The following IPO8 variants were observed in gnomAD, a reference collection of about 807,000 sequenced individuals.
IPO8 encodes the protein importin 8.
In IPO8, 65 loss-of-function variants were observed where a neutral mutation model predicts 141.2. The observed-to-expected ratio is 0.46, with a 90% CI of 0.38 to 0.57. The LOEUF (loss-of-function observed/expected upper bound fraction) is 0.57. IPO8 is among the 20% of genes least tolerant of loss of function. IPO8 has a pLI of 0.00. For missense variants in IPO8, 980 were observed against 1,246.8 expected (o/e 0.79, Z 3.22); for synonymous variants, 411 against 420.3 (o/e 0.98, Z 0.27).
In IPO8 at chr12:30,637,041, C is replaced by T. The variant is rs61751231; in HGVS notation, c.2636G>A (p.Arg879Lys). The stretch of plus-strand genomic sequence containing the variant: ...ACGATCTTCCCGGTTTACCAGTTGT[C>T]TAGTAGCACAGACCTGCTTTAGGCC... ...FLGLKQVCAT[R>K]QLVNREDRSK... Residue 879 changes from arginine to lysine, a missense_variant, in exon 22 of 25, where the codon AGA becomes AAA. Arg to Lys is a conservative substitution (Grantham distance 26). Transcript: ENST00000256079. 0.011 allele frequency: 18,388 copies of T among 1,613,952 alleles called. 129 individuals are homozygous for T. The highest frequency in any genetic ancestry group is 0.014 in the Non-Finnish European group (16,373 of 1,179,898).
At chr12:30,654,003 A>G (rs2052762279) in intron 17 of IPO8, among the ~76,000 whole-genome samples, 3 of 152,082 alleles carry the variant, frequency 2.0e-5, no homozygotes, top group Non-Finnish European at 4.4e-5. Context: ...ATAAAAACAG[A>G]CACACAGACC....
chr12:30,652,737 T>C (rs1006399766), intron 18 of IPO8, among the ~76,000 whole-genome samples: 1 of 152,104 alleles, frequency 6.6e-6, no homozygotes, highest in Non-Finnish European at 1.5e-5. Flanking sequence ...TATGGATATA[T>C]GCTCTGGTCA....
chr12:30,645,883 A>C (rs1034883561), intron 20 of IPO8, among the ~76,000 whole-genome samples: 1 of 152,210 alleles, frequency 6.6e-6, no homozygotes, highest in Non-Finnish European at 1.5e-5. Flanking sequence ...AAAACAAAAC[A>C]AAACACAGAC....
chr12:30,653,096 GAAGA>G lies in IPO8; in HGVS notation c.1949-8_1949-5del. The G allele has an allele frequency of 6.2e-7, 1 of 1,605,158 alleles. No homozygotes were observed. Among genetic ancestry groups the G allele is most frequent in the Non-Finnish European group, 8.5e-7 (1 of 1,177,068 alleles). On this transcript the variant is annotated splice_region_variant and splice_polypyrimidine_tract_variant and intron_variant, in intron 17 of 24. Coordinates refer to ENST00000256079, the MANE Select transcript of IPO8 (RefSeq NM_006390.4). ...GAAAGAATTTCTTCATAGAATTCTA[GAAGA>G]AAGAAAATCTCTAGTTAGAATGCTA...
chr12:30,652,058 C>A, intron 19 of IPO8, 134 bp downstream of exon 19: 1 of 521,228 alleles, frequency 1.9e-6, no homozygotes, highest in Non-Finnish European at 3.3e-6. Context: ...TTTGAAAATA[C>A]AAATGAAAAA....
chr12:30,642,180 G>A (rs1481582682), intron 20 of IPO8, among the ~76,000 whole-genome samples: 1 of 151,940 alleles, frequency 6.6e-6, no homozygotes, highest in African/African-American at 2.4e-5. Context: ...CCAGCCTGGG[G>A]TACAAGAGCG....
intron 5 of IPO8, 125 bp from the exon 6 acceptor site, chr12:30,676,712 G>T: frequency 1.2e-6 from 1 of 802,332 alleles, no homozygotes; most frequent in Non-Finnish European, 2.1e-6. Flanking sequence ...TAGCAATCTT[G>T]TATGGTTCAA....
chr12:30,643,671 T>C (rs79303643), intron 20 of IPO8, among the ~76,000 whole-genome samples: 1 of 152,340 alleles, frequency 6.6e-6, no homozygotes, highest in African/African-American at 2.4e-5. Context: ...TGAATTACTT[T>C]TTGTGGGAAT....
chr12:30,676,118 G>T (rs758497543), intron 6 of IPO8, among the ~76,000 whole-genome samples: 5 of 151,710 alleles, frequency 3.3e-5, no homozygotes, highest in Non-Finnish European at 4.4e-5. Flanking sequence ...TAGAGTCAAG[G>T]TCCCACTATG....
At chr12:30,669,128 G>T in intron 10 of IPO8, 55 bp downstream of exon 10, 1 of 722,924 alleles carries the variant, frequency 1.4e-6, no homozygotes, top group South Asian at 2.0e-5. Context: ...TATAAATTTA[G>T]TTATATTACT....
chr12:30,693,216 A>G (rs190122888), intron 1 of IPO8, among the ~76,000 whole-genome samples: 2 of 152,312 alleles, frequency 1.3e-5, no homozygotes, highest in Admixed American at 6.5e-5. Context: ...TGCTGCCTCT[A>G]ATGGGACTTC....
At chr12:30,651,337 C>A (rs2052723899) in intron 19 of IPO8, among the ~76,000 whole-genome samples, 1 of 152,102 alleles carries the variant, frequency 6.6e-6, no homozygotes, top group Non-Finnish European at 1.5e-5. Flanking sequence ...CTCTTTAGAA[C>A]TGAACTGAGA....
rs764254584 is a variant in IPO8, at chr12:30,665,721, A to T, written c.1338+8T>A. On this transcript the variant is annotated splice_region_variant and intron_variant, in intron 12 of 24. Transcript: ENST00000256079. ...TTATTAAGTAAATTAAATTTTGATT[A>T]TCTTAACCTTCAGTAAAATCTCAGC... 1 of 1,519,302 alleles carries T rather than the reference A, an allele frequency of 6.6e-7. No homozygotes were observed. Among genetic ancestry groups the T allele is most frequent in the Non-Finnish European group, 9.1e-7 (1 of 1,094,440 alleles). 94.1% of individuals were successfully genotyped at this position (1,519,302 alleles called of 1,614,324 possible).
In IPO8 at chr12:30,639,597, G is replaced by A. The variant is rs752299664; in HGVS notation, c.2407C>T (p.Arg803Ter). 3.1e-6 allele frequency: 5 copies of A among 1,613,970 alleles called. No individual in the cohort carries two copies. The highest frequency in any genetic ancestry group is 1.1e-5 in the South Asian group (1 of 91,080). ...CCAGGGTTGTGAGGCAACTGAATTCGTTCTAAAGTATGTAGCAGCAAATCA... is the reference window on the plus strand; with the variant it reads ...CCAGGGTTGTGAGGCAACTGAATTCATTCTAAAGTATGTAGCAGCAAATCA... ...NPDLLLHTLE[R>*]IQLPHNPGPI... Residue 803 changes from arginine (R) to a stop codon, truncating the protein, a stop_gained, in exon 21 of 25, where the codon CGA becomes TGA. Transcript: ENST00000256079. LOFTEE classifies it high-confidence loss of function.
intron 23 of IPO8, among the ~76,000 whole-genome samples, chr12:30,633,002 C>G (rs372036703): frequency 1.3e-5 from 2 of 152,200 alleles, no homozygotes; most frequent in African/African-American, 4.8e-5. Context: ...TACTCAAGAC[C>G]TAAAAGCCTC....
At chr12:30,693,212 C>T in intron 1 of IPO8, among the ~76,000 whole-genome samples, 1 of 152,166 alleles carries the variant, frequency 6.6e-6, no homozygotes, top group East Asian at 1.9e-4. Context: ...TCTATGCTGC[C>T]TCTAATGGGA....
At chr12:30,666,580 G>T (rs2083657647) in intron 10 of IPO8, among the ~76,000 whole-genome samples, 1 of 152,152 alleles carries the variant, frequency 6.6e-6, no homozygotes, top group African/African-American at 2.4e-5. Flanking sequence ...CTTACTATGT[G>T]CCAGGTACCA....
At chr12:30,631,203 G>T (rs1421721323) in intron 24 of IPO8, among the ~76,000 whole-genome samples, 1 of 152,144 alleles carries the variant, frequency 6.6e-6, no homozygotes, top group Non-Finnish European at 1.5e-5. Flanking sequence ...CTCAGAGGTG[G>T]ATTCTACTTC....
chr12:30,688,026 C>T (rs2053259033), intron 2 of IPO8, among the ~76,000 whole-genome samples: 2 of 151,980 alleles, frequency 1.3e-5, no homozygotes, highest in South Asian at 2.1e-4. Flanking sequence ...CTCTCCTTCT[C>T]GTAGCAACTC....
Sources: allele counts gnomAD v4.1 joint callset (sites outside exome capture counted in the v4.1 genomes callset), GRCh38; gene constraint gnomAD v4.1.1; transcripts MANE v1.5; gene names NCBI Gene and HGNC (gene_info 2026-07-23, HGNC 2026-07-21).